PCBP3: variants seen among roughly 807,000 people sequenced by gnomAD.
The protein encoded by PCBP3 is poly(rC)-binding protein 3.
In PCBP3, 25 loss-of-function variants were observed where a neutral mutation model predicts 52.7. That is an observed-to-expected ratio of 0.47 (90% confidence interval 0.35 to 0.66). The LOEUF (loss-of-function observed/expected upper bound fraction) is 0.66, where lower values mean the gene tolerates loss of function less well. PCBP3 is among the 30% of genes least tolerant of loss of function. The pLI, the probability that PCBP3 is intolerant of heterozygous loss-of-function variation, is 0.01. For synonymous variants in PCBP3, 162 were observed against 183.0 expected (o/e 0.89, Z 0.93); for missense variants, 391 against 490.3 (o/e 0.80, Z 1.91).
rs1158193047 is a variant in PCBP3 at position 45,704,700 on chromosome 21, GT to G, written c.-199-30691del. 3.3e-5 allele frequency among the ~76,000 whole-genome samples: 5 copies of G among 152,220 alleles called. No homozygotes were observed. Among genetic ancestry groups the G allele is most frequent in the African/African-American group, 7.2e-5 (3 of 41,446 alleles). On this transcript the variant is annotated intron_variant, in intron 2 of 17. Coordinates refer to ENST00000681687, the MANE Select transcript of PCBP3 (RefSeq NM_001384156.1). This position sits in a 1 kb window ranked among gnomAD's most constrained non-coding sequence, Gnocchi z 4.1. ...CGTTTACAACAGCAAGAGATGCCTT[GT>G]CCATAGCTTCCTGACCTCTGGAAGA...
At position 45,825,690 on chromosome 21, in the gene PCBP3, A is replaced by G. The variant is rs543108547; in HGVS notation, c.-125-24271A>G. Among the ~76,000 whole-genome samples, 4 of 152,286 alleles carry G rather than the reference A, an allele frequency of 2.6e-5. No individual in the cohort carries two copies. The East Asian group carries it at 7.7e-4, about 29-fold the overall frequency. ...TTTGCATCTCAGTAGGAATTCTGCA[A>G]TTCAGTAGGGAAATGCTGGAAACTG... On this transcript the variant is annotated intron_variant, in intron 4 of 17. Transcript: ENST00000681687.
At chr21:45,657,065 C>T (rs1322791722) in intron 1 of PCBP3, among the ~76,000 whole-genome samples, 3 of 152,214 alleles carry the variant, frequency 2.0e-5, no homozygotes, top group East Asian at 3.8e-4. Flanking sequence ...TCGTGATCCA[C>T]CTGCCTCGGC....
intron 2 of PCBP3, among the ~76,000 whole-genome samples, chr21:45,719,170 G>A (rs1353219638): frequency 1.3e-5 from 2 of 152,092 alleles, no homozygotes; most frequent in African/African-American, 2.4e-5. Context: ...CTGACCGTTC[G>A]TAATCCTCAC....
intron 4 of PCBP3, among the ~76,000 whole-genome samples, chr21:45,798,714 G>A (rs2092141385): frequency 6.7e-6 from 1 of 150,040 alleles, no homozygotes; most frequent in Admixed American, 6.6e-5. Flanking sequence ...GAGAGTGAAT[G>A]GATGTGTACA....
At chr21:45,799,385 A>C (rs2092193241) in intron 4 of PCBP3, among the ~76,000 whole-genome samples, 1 of 152,220 alleles carries the variant, frequency 6.6e-6, no homozygotes. Flanking sequence ...AGAGAGAGAG[A>C]CCATATTTAC....
At chr21:45,655,011 T>C (rs552796813) in intron 1 of PCBP3, among the ~76,000 whole-genome samples, 2 of 152,308 alleles carry the variant, frequency 1.3e-5, no homozygotes, top group East Asian at 3.9e-4. Context: ...TGCATAACAT[T>C]TTCAAGCTTT....
At chr21:45,717,579 T>G (rs1228243103) in intron 2 of PCBP3, among the ~76,000 whole-genome samples, 1 of 152,258 alleles carries the variant, frequency 6.6e-6, no homozygotes, top group African/African-American at 2.4e-5. Context: ...TTTCTGTGTC[T>G]ACTGAGATGA....
chr21:45,933,423 T>C (rs2076541568), intron 15 of PCBP3, among the ~76,000 whole-genome samples: 1 of 152,242 alleles, frequency 6.6e-6, no homozygotes, highest in Admixed American at 6.5e-5. Flanking sequence ...TCCCATACTT[T>C]CCTCCCTTCA....
intron 4 of PCBP3, among the ~76,000 whole-genome samples, chr21:45,814,510 AGTGATGAGTGGTGAGTGAGTGATGAGTGG>A: frequency 1.1e-5 from 1 of 89,400 alleles, no homozygotes; most frequent in Admixed American, 1.0e-4. Flanking sequence ...GTGAGTGGTG[AGTGATGAGTGGTGAGTGAGTGATGAGTGG>A]TGAGTGAGTG....
At chr21:45,681,350 C>T (rs896177546) in intron 2 of PCBP3, among the ~76,000 whole-genome samples, 4 of 152,172 alleles carry the variant, frequency 2.6e-5, no homozygotes, top group Admixed American at 2.0e-4. Flanking sequence ...ATATGAAGTA[C>T]TACATTAATT....
Position 45,704,998 on chromosome 21 carries a change from C to G in PCBP3, c.-199-30394C>G, listed in dbSNP as rs17004795. Among the ~76,000 whole-genome samples, 7,941 of 152,174 alleles carry G rather than the reference C, an allele frequency of 0.052. 435 individuals are homozygous for G. Among genetic ancestry groups the G allele is most frequent in the African/African-American group, 0.12 (5,046 of 41,510 alleles). On this transcript the variant is annotated intron_variant, in intron 2 of 17. Coordinates refer to ENST00000681687, the MANE Select transcript of PCBP3 (RefSeq NM_001384156.1). This position sits in a 1 kb window ranked among gnomAD's most constrained non-coding sequence, Gnocchi z 4.1. ...GGGGAGGTGTGCCTCTTTTTTCTGG[C>G]TTCGGTGTGCTGATTCCAGAGTCTG...
At chr21:45,872,848 A>G (rs780696697) in intron 5 of PCBP3, 1 of 152,250 alleles carries the variant, frequency 6.6e-6, no homozygotes, top group East Asian at 1.9e-4. Flanking sequence ...AATTTGTGAT[A>G]TAACGATGCC....
chr21:45,854,514 G>T (rs934282890), intron 5 of PCBP3, among the ~76,000 whole-genome samples: 2 of 152,154 alleles, frequency 1.3e-5, no homozygotes, highest in African/African-American at 4.8e-5. Context: ...TATGGCATTT[G>T]TCTGTTTGTA....
chr21:45,732,557 G>GTTATTTATTTAT (rs1023848343), intron 2 of PCBP3, among the ~76,000 whole-genome samples: 1 of 149,434 alleles, frequency 6.7e-6, no homozygotes, highest in Admixed American at 6.7e-5. Flanking sequence ...TTAGTTTAAT[G>GTTATTTATTTAT]TTATTTATTT....
chr21:45,644,080 C>T (rs2079093197), intron 1 of PCBP3, among the ~76,000 whole-genome samples: 1 of 150,738 alleles, frequency 6.6e-6, no homozygotes, highest in Non-Finnish European at 1.5e-5. Flanking sequence ...CTCGCGCTCC[C>T]TCAAGGTGCG....
At chr21:45,710,382 A>C (rs368646044) in intron 2 of PCBP3, among the ~76,000 whole-genome samples, 1 of 151,820 alleles carries the variant, frequency 6.6e-6, no homozygotes, top group Non-Finnish European at 1.5e-5. Flanking sequence ...TTCAATTCCC[A>C]CCTATGAGTG....
At chr21:45,754,427 G>T (rs1175449133) in intron 3 of PCBP3, among the ~76,000 whole-genome samples, 3 of 152,088 alleles carry the variant, frequency 2.0e-5, no homozygotes, top group Non-Finnish European at 4.4e-5. Context: ...TTTTGCTTCG[G>T]TTGTTTAAAT....
chr21:45,889,058 A>G (rs1472968102), intron 5 of PCBP3, among the ~76,000 whole-genome samples: 7 of 152,252 alleles, frequency 4.6e-5, no homozygotes. Context: ...GCAAGTAAGT[A>G]AAGAAAGGAA....
chr21:45,718,293 GTTTAATTTCTA>G (rs967743585), intron 2 of PCBP3, among the ~76,000 whole-genome samples: 4 of 149,476 alleles, frequency 2.7e-5, no homozygotes, highest in East Asian at 2.0e-4. Context: ...TTTCTATTCT[GTTTAATTTCTA>G]TTTAATTTCT....
Sources: gnomAD v4.1 joint callset for allele counts (sites outside exome capture counted in the v4.1 genomes callset) on GRCh38, gnomAD v4.1.1 for gene constraint, Gnocchi (gnomAD v3.1) non-coding constraint, MANE v1.5 for transcripts, NCBI Gene and HGNC (gene_info 2026-07-23, HGNC 2026-07-21) for gene names.